CSMD3: variants seen among roughly 807,000 people sequenced by gnomAD.
CSMD3 encodes CUB and Sushi multiple domains 3.
In CSMD3, 177 loss-of-function variants were observed where a neutral mutation model predicts 435.2. The ratio of observed to expected loss-of-function variants is 0.41; its 90% confidence interval spans 0.36 to 0.46. CSMD3 has a LOEUF of 0.46. CSMD3 is among the 20% of genes least tolerant of loss of function. CSMD3 has a pLI of 0.34. For missense variants in CSMD3, 4,265 were observed against 4,504.6 expected (o/e 0.95, Z 1.52); for synonymous variants, 1,656 against 1,520.5 (o/e 1.09, Z -2.07).
At chr8:112,752,524 G>A (rs1337194606) in intron 13 of CSMD3, among the ~76,000 whole-genome samples, 1 of 152,156 alleles carries the variant, frequency 6.6e-6, no homozygotes, top group East Asian at 1.9e-4. Flanking sequence ...GACTAAGGGA[G>A]GAGAAAAGGG....
Position 113,436,783 on chromosome 8 carries a change from G to T in CSMD3, c.72C>A (p.Cys24Ter), listed in dbSNP as rs1292367887. ...TGAAGTCTAGGCGGCCACATTTAGCGCATCTTCGCTTGCCAGGCTCCCAGG... is the reference window on the plus strand; with the variant it reads ...TGAAGTCTAGGCGGCCACATTTAGCTCATCTTCGCTTGCCAGGCTCCCAGG... ...SKPWEPGKRR[C>*]AKCGRLDFIL... Residue 24 changes from cysteine (C) to a stop codon, truncating the protein, a stop_gained, in exon 1 of 71, where the codon TGC (cysteine) becomes TGA (stop). Coordinates refer to ENST00000297405, the MANE Select transcript of CSMD3 (RefSeq NM_198123.2). LOFTEE classifies it high-confidence loss of function. 1 of 1,614,090 alleles carries T rather than the reference G, an allele frequency of 6.2e-7. No homozygotes were observed. The highest frequency in any genetic ancestry group is 1.7e-5 in the Admixed American group (1 of 60,010).
chr8:112,982,435 T>A (rs1236096635), intron 6 of CSMD3, among the ~76,000 whole-genome samples: 1 of 151,858 alleles, frequency 6.6e-6, no homozygotes, highest in Non-Finnish European at 1.5e-5. Flanking sequence ...GAATCCTGAA[T>A]CTTTAGATCT....
intron 31 of CSMD3, among the ~76,000 whole-genome samples, chr8:112,490,252 G>A (rs1419892409): frequency 1.3e-5 from 2 of 152,096 alleles, no homozygotes; most frequent in Non-Finnish European, 2.9e-5. Flanking sequence ...TAAAAGTCAA[G>A]ACTCAGCTTG....
intron 3 of CSMD3, among the ~76,000 whole-genome samples, chr8:113,186,031 A>G (rs2092495542): frequency 6.6e-6 from 1 of 152,060 alleles, no homozygotes; most frequent in Non-Finnish European, 1.5e-5. Context: ...AAGGTATAAA[A>G]GGAGCCTGAT....
chr8:112,553,291 T>G (rs569280445), intron 25 of CSMD3, among the ~76,000 whole-genome samples: 1 of 152,198 alleles, frequency 6.6e-6, no homozygotes, highest in Non-Finnish European at 1.5e-5. Context: ...TGGTCTCTAA[T>G]TTTTATAAAA....
intron 16 of CSMD3, among the ~76,000 whole-genome samples, chr8:112,675,919 T>C (rs888534226): frequency 5.3e-5 from 8 of 152,108 alleles, no homozygotes; most frequent in Non-Finnish European, 1.5e-5. Context: ...TATTTGGGTT[T>C]TGAATGATTT....
intron 4 of CSMD3, among the ~76,000 whole-genome samples, chr8:113,158,005 C>A (rs2091965161): frequency 6.6e-6 from 1 of 151,876 alleles, no homozygotes; most frequent in Non-Finnish European, 1.5e-5. Flanking sequence ...ATTTTGAAAT[C>A]ATTTCAAAAT....
At chr8:113,263,259 T>G (rs1470402798) in intron 3 of CSMD3, among the ~76,000 whole-genome samples, 6 of 152,030 alleles carry the variant, frequency 3.9e-5, no homozygotes, top group African/African-American at 1.4e-4. Flanking sequence ...TTATTATAAC[T>G]GCAAATGAAT....
chr8:113,026,148 C>T (rs964273823), intron 5 of CSMD3, among the ~76,000 whole-genome samples: 2 of 152,120 alleles, frequency 1.3e-5, no homozygotes. Flanking sequence ...GACTGTGGGC[C>T]TTTCTTGCAG....
In CSMD3 at chr8:112,645,113, T is replaced by C. The variant is rs547958388; in HGVS notation, c.3306A>G (p.Gly1102=). The C allele has an allele frequency of 2.1e-5, 31 of 1,486,790 alleles. No individual in the cohort carries two copies. The South Asian group carries it at 2.8e-4, about 14-fold the overall frequency. 92.1% of individuals were successfully genotyped at this position (1,486,790 alleles called of 1,614,324 possible). Residue 1102 remains glycine (G), a synonymous_variant, in exon 20 of 71, where the codon GGA becomes GGG. Transcript: ENST00000297405. ...NCTWTVDVTH[G]KGVQFNFHTF... Reference sequence around the variant, plus strand: ...TTATTTCATGAGGCAAATTACCTTTTCCATGGGTTACATCAACAGTCCATG... The same window carrying C: ...TTATTTCATGAGGCAAATTACCTTTCCCATGGGTTACATCAACAGTCCATG...
chr8:112,565,283 C>T (rs1828972742), intron 24 of CSMD3, among the ~76,000 whole-genome samples: 1 of 151,912 alleles, frequency 6.6e-6, no homozygotes, highest in Non-Finnish European at 1.5e-5. Context: ...TTTGTTGCTC[C>T]CTTGTAATTT....
intron 9 of CSMD3, among the ~76,000 whole-genome samples, chr8:112,933,474 C>T (rs948761068): frequency 6.6e-6 from 1 of 152,012 alleles, no homozygotes; most frequent in Admixed American, 6.6e-5. Context: ...GTCTTTCCAC[C>T]ATCTCTTCAC....
chr8:112,495,338 C>T (rs1357893161), intron 30 of CSMD3, among the ~76,000 whole-genome samples: 1 of 152,138 alleles, frequency 6.6e-6, no homozygotes, highest in Non-Finnish European at 1.5e-5. Flanking sequence ...TAATATTCAT[C>T]TTTTGAAAAG....
At chr8:112,389,629 T>A (rs569657817) in intron 36 of CSMD3, among the ~76,000 whole-genome samples, 1 of 152,344 alleles carries the variant, frequency 6.6e-6, no homozygotes, top group East Asian at 1.9e-4. Flanking sequence ...TGATTTTTTT[T>A]ACTAAAAATT....
intron 32 of CSMD3, among the ~76,000 whole-genome samples, chr8:112,440,578 C>T (rs1814890028): frequency 6.6e-6 from 1 of 152,210 alleles, no homozygotes; most frequent in South Asian, 2.1e-4. Flanking sequence ...ACTGCCCTAA[C>T]AGAGTTTCTC....
intron 36 of CSMD3, among the ~76,000 whole-genome samples, chr8:112,385,831 G>A (rs1829894956): frequency 6.6e-6 from 1 of 152,164 alleles, no homozygotes; most frequent in Non-Finnish European, 1.5e-5. Flanking sequence ...TATTGCCTAG[G>A]TGGGAGAAAG....
At chr8:113,194,051 A>C (rs1189346820) in intron 3 of CSMD3, among the ~76,000 whole-genome samples, 1 of 151,392 alleles carries the variant, frequency 6.6e-6, no homozygotes, top group African/African-American at 2.4e-5. Context: ...AAAAATATAA[A>C]ACTTTGTTGA....
chr8:112,323,757 C>G (rs1823232960), intron 45 of CSMD3, among the ~76,000 whole-genome samples: 1 of 152,032 alleles, frequency 6.6e-6, no homozygotes, highest in African/African-American at 2.4e-5. Context: ...TACTACCCTT[C>G]TTACATACAG....
intron 3 of CSMD3, among the ~76,000 whole-genome samples, chr8:113,210,644 G>A (rs998381610): frequency 1.3e-5 from 2 of 152,050 alleles, no homozygotes; most frequent in East Asian, 3.9e-4. Flanking sequence ...TTGGGAGGCT[G>A]AGGTGGGCCG....
Sources: allele counts gnomAD v4.1 joint callset (sites outside exome capture counted in the v4.1 genomes callset), GRCh38; gene constraint gnomAD v4.1.1; transcripts MANE v1.5; gene names NCBI Gene and HGNC (gene_info 2026-07-23, HGNC 2026-07-21).